Variants in NAALADL2 observed in about 807,000 individuals in gnomAD.
The protein encoded by NAALADL2 is inactive N-acetylated-alpha-linked acidic dipeptidase-like protein 2.
A neutral mutation model predicts 87.2 loss-of-function variants in NAALADL2; 76 were observed. The observed-to-expected ratio is 0.87, with a 90% confidence interval of 0.72 to 1.05. The LOEUF (loss-of-function observed/expected upper bound fraction) is 1.05, where lower values mean the gene tolerates loss of function less well. Ranked by LOEUF, NAALADL2 falls within the 50% of genes least tolerant of loss-of-function variation. The pLI, the probability that NAALADL2 is intolerant of heterozygous loss-of-function variation, is 0.00. For missense variants in NAALADL2, 1,089 were observed against 945.8 expected, an observed-to-expected ratio of 1.15 and a Z score of -1.99; for synonymous variants, 354 against 331.0, an observed-to-expected ratio of 1.07 and a Z score of -0.75.
intron 13 of NAALADL2, among the ~76,000 whole-genome samples, chr3:175,801,154 C>T (rs1408666504): frequency 6.6e-6 from 1 of 152,168 alleles, no homozygotes; most frequent in East Asian, 1.9e-4. Flanking sequence ...TCTTTTCAAA[C>T]TCAGTCATCA....
intron 1 of NAALADL2, among the ~76,000 whole-genome samples, chr3:174,997,494 A>G (rs1747659469): frequency 6.6e-6 from 1 of 152,152 alleles, no homozygotes; most frequent in Non-Finnish European, 1.5e-5. Context: ...ATTAAAACAG[A>G]AAAAAGAGAA....
chr3:174,915,641 T>C (rs945207738), intron 1 of NAALADL2, among the ~76,000 whole-genome samples: 3 of 152,180 alleles, frequency 2.0e-5, no homozygotes, highest in Non-Finnish European at 4.4e-5. Context: ...GTCAGTTATT[T>C]ACATTTAAAA....
intron 1 of NAALADL2, among the ~76,000 whole-genome samples, chr3:174,873,204 T>C (rs552251983): frequency 6.7e-6 from 1 of 149,448 alleles, no homozygotes; most frequent in Admixed American, 6.7e-5. Context: ...TGTCTGTCTC[T>C]CTCTCTCTCT....
At chr3:174,948,772 G>T (rs183285605) in intron 1 of NAALADL2, among the ~76,000 whole-genome samples, 1 of 152,256 alleles carries the variant, frequency 6.6e-6, no homozygotes, top group East Asian at 1.9e-4. Context: ...TGATGTATTT[G>T]TCCATTGATA....
chr3:174,676,684 C>T (rs1034275891), intron 2 of NAALADL2, among the ~76,000 whole-genome samples: 2 of 151,718 alleles, frequency 1.3e-5, no homozygotes, highest in African/African-American at 4.8e-5. Flanking sequence ...CTTTACATCA[C>T]AAAATAAATG....
chr3:174,704,020 C>A (rs1729825786), intron 2 of NAALADL2, among the ~76,000 whole-genome samples: 2 of 152,160 alleles, frequency 1.3e-5, no homozygotes, highest in South Asian at 4.1e-4. Context: ...TTCAGAAAGT[C>A]AGAAGGCATG....
rs1429156621 is a variant in NAALADL2 at position 174,605,668 on chromosome 3, C to T, written c.-115+55031C>T. 5.9e-5 allele frequency among the ~76,000 whole-genome samples: 9 copies of T among 152,060 alleles called. No individual in the cohort carries two copies. In the South Asian group the frequency reaches 6.2e-4, roughly 11 times the overall value. On this transcript the variant is annotated intron_variant, in intron 2 of 3. Coordinates refer to the NAALADL2 transcript ENST00000434257. ...AGGTAAACACAGCAGCCAGGAAGCTCGAACTGGGTGGAGCCCACCACAGCT... is the reference window on the plus strand; with the variant it reads ...AGGTAAACACAGCAGCCAGGAAGCTTGAACTGGGTGGAGCCCACCACAGCT...
At chr3:174,984,180 T>TA (rs1745503341) in intron 1 of NAALADL2, among the ~76,000 whole-genome samples, 1 of 152,178 alleles carries the variant, frequency 6.6e-6, no homozygotes, top group African/African-American at 2.4e-5. Context: ...TTACAAAATA[T>TA]AAAAACATAA....
Position 175,786,355 on chromosome 3 carries a change from G to T in NAALADL2, c.2190-16650G>T, listed in dbSNP as rs567728415. ...AGGTACACCAATGAGATGTAGATTT[G>T]GTCTTTTCACATAGTCCCATACTTC... On this transcript the variant is annotated intron_variant, in intron 13 of 13. Coordinates refer to ENST00000454872, the MANE Select transcript of NAALADL2 (RefSeq NM_207015.3). 7.5e-4 allele frequency among the ~76,000 whole-genome samples: 114 copies of T among 152,168 alleles called. 1 individual carries two copies. Among genetic ancestry groups the T allele is most frequent in the African/African-American group, 2.7e-3 (113 of 41,506 alleles).
chr3:174,734,169 G>A (rs1450890345), intron 2 of NAALADL2, among the ~76,000 whole-genome samples: 1 of 152,068 alleles, frequency 6.6e-6, no homozygotes, highest in Non-Finnish European at 1.5e-5. Context: ...ATAGAATCTT[G>A]AGGCACTTAA....
At chr3:175,698,635 A>G (rs1444182230) in intron 11 of NAALADL2, among the ~76,000 whole-genome samples, 1 of 151,096 alleles carries the variant, frequency 6.6e-6, no homozygotes. Context: ...TTGATATTAT[A>G]CATTAAGAAT....
At chr3:174,516,134 T>C (rs1229822871) in intron 1 of NAALADL2, among the ~76,000 whole-genome samples, 1 of 152,118 alleles carries the variant, frequency 6.6e-6, no homozygotes, top group Non-Finnish European at 1.5e-5. Flanking sequence ...CTTTGTTTTC[T>C]CTTAGTGGAG....
At chr3:174,859,556 C>T (rs1239933807) in intron 1 of NAALADL2, 106 bp downstream of exon 1, 7 of 834,676 alleles carry the variant, frequency 8.4e-6, no homozygotes, top group Non-Finnish European at 1.4e-5. Flanking sequence ...CGCATCCCTG[C>T]ATGCATGTTC....
chr3:175,153,168 T>C (rs897593065), intron 2 of NAALADL2, among the ~76,000 whole-genome samples: 1 of 152,198 alleles, frequency 6.6e-6, no homozygotes, highest in Non-Finnish European at 1.5e-5. Context: ...GACATTTTTC[T>C]TGCTGAATTG....
At chr3:175,266,736 T>C (rs1751987749) in intron 4 of NAALADL2, among the ~76,000 whole-genome samples, 1 of 151,796 alleles carries the variant, frequency 6.6e-6, no homozygotes, top group East Asian at 1.9e-4. Context: ...ACTCTTATAG[T>C]TCCAACAAGC....
rs569440991 is a variant in NAALADL2 at position 175,649,801 on chromosome 3, CAT to C, written c.1896+22418_1896+22419del. 3.6e-4 allele frequency among the ~76,000 whole-genome samples: 55 copies of C among 152,200 alleles called. No individual in the cohort carries two copies. The South Asian group carries it at 4.6e-3, about 13-fold the overall frequency. Reference sequence around the variant, plus strand: ...GGCATACTGGTGGTTAGGATTTCAACATATGAATTTTAGATTCCATCCATAAC... The same window carrying C: ...GGCATACTGGTGGTTAGGATTTCAACATGAATTTTAGATTCCATCCATAAC... On this transcript the variant is annotated intron_variant, in intron 11 of 13. Coordinates refer to ENST00000454872, the MANE Select transcript of NAALADL2 (RefSeq NM_207015.3).
At chr3:175,307,241 G>T (rs978111254) in intron 4 of NAALADL2, among the ~76,000 whole-genome samples, 16 of 151,972 alleles carry the variant, frequency 1.1e-4, no homozygotes, top group Non-Finnish European at 8.8e-5. Context: ...TGGAGTAGTT[G>T]TGACAATTAA....
At chr3:175,142,881 C>T (rs1730208288) in intron 2 of NAALADL2, among the ~76,000 whole-genome samples, 2 of 151,924 alleles carry the variant, frequency 1.3e-5, no homozygotes, top group Admixed American at 1.3e-4. Context: ...TTCATTTATG[C>T]TGTAGGATAT....
intron 9 of NAALADL2, among the ~76,000 whole-genome samples, chr3:175,552,802 T>C (rs2149493669): frequency 6.6e-6 from 1 of 152,248 alleles, no homozygotes; most frequent in South Asian, 2.1e-4. Flanking sequence ...GATTCAAGTA[T>C]ATACCTATGA....
Sources: gnomAD v4.1 joint callset for allele counts (sites outside exome capture counted in the v4.1 genomes callset) on GRCh38, gnomAD v4.1.1 for gene constraint, MANE v1.5 for transcripts, NCBI Gene and HGNC (gene_info 2026-07-23, HGNC 2026-07-21) for gene names.